Variants in XKR4 observed in about 807,000 individuals in gnomAD.
The protein encoded by XKR4 is XK-related protein 4.
A neutral mutation model predicts 53.9 loss-of-function variants in XKR4; 12 were observed. The observed-to-expected ratio is 0.22, with a 90% CI of 0.14 to 0.36. The LOEUF (loss-of-function observed/expected upper bound fraction) is 0.36, where lower values mean the gene tolerates loss of function less well. Among genes scored for constraint, XKR4 ranks in the 10% least tolerant of loss-of-function variants. The probability of loss-of-function intolerance (pLI) is 1.00; values close to 1 mark genes in which losing one functional copy is unlikely to be tolerated. For synonymous variants in XKR4, 354 were observed against 362.4 expected (o/e 0.98, Z 0.26); for missense variants, 799 against 859.5 (o/e 0.93, Z 0.88).
intron 2 of XKR4, among the ~76,000 whole-genome samples, chr8:55,372,984 A>G (rs924916852): frequency 1.3e-5 from 2 of 152,194 alleles, no homozygotes; most frequent in Admixed American, 6.5e-5. Context: ...ATAAAATCAC[A>G]TGGAGATTCA....
rs1554571090 is a variant in XKR4, at chr8:55,229,235, C to CCCGT, written c.806+125943_806+125944insGTCC. Among the ~76,000 whole-genome samples the CCCGT allele has an allele frequency of 5.0e-3, 757 of 152,308 alleles. 10 individuals carry two copies. The highest frequency in any genetic ancestry group is 0.017 in the African/African-American group (714 of 41,558). ...TGAAAGGGGCCGGCTGACAGCACTA[C>CCCGT]CCATCCGCCCTGTGTCGATTTCCAC... On this transcript the variant is annotated intron_variant, in intron 1 of 2. Transcript: ENST00000327381.
At chr8:55,496,711 A>G (rs181532682) in intron 2 of XKR4, among the ~76,000 whole-genome samples, 2 of 152,316 alleles carry the variant, frequency 1.3e-5, no homozygotes, top group East Asian at 3.9e-4. Context: ...GAATCTCTAT[A>G]TGTTATATAT....
chr8:55,239,814 G>A (rs994357657), intron 1 of XKR4, among the ~76,000 whole-genome samples: 2 of 152,056 alleles, frequency 1.3e-5, no homozygotes, highest in African/African-American at 2.4e-5. Flanking sequence ...TTCAAAAGTG[G>A]CCTCCTACAC....
At chr8:55,455,221 C>A in intron 2 of XKR4, 1 of 339,284 alleles carries the variant, frequency 2.9e-6, no homozygotes, top group South Asian at 2.7e-5. Context: ...CTGGACCGCA[C>A]ACCCGGGACA....
intron 2 of XKR4, among the ~76,000 whole-genome samples, chr8:55,505,111 T>A (rs1414187712): frequency 2.6e-5 from 4 of 152,124 alleles, no homozygotes; most frequent in Non-Finnish European, 4.4e-5. Flanking sequence ...TTTGTTCTAC[T>A]TTTTATAGTT....
chr8:55,221,443 T>C (rs1005883495), intron 1 of XKR4, among the ~76,000 whole-genome samples: 2 of 152,122 alleles, frequency 1.3e-5, no homozygotes, highest in Non-Finnish European at 2.9e-5. Flanking sequence ...AGCCCCTCCC[T>C]TGAGAGCAGG....
intron 1 of XKR4, among the ~76,000 whole-genome samples, chr8:55,307,079 A>C (rs1819313223): frequency 6.6e-6 from 1 of 152,144 alleles, no homozygotes; most frequent in African/African-American, 2.4e-5. Flanking sequence ...ACCTAGGACT[A>C]GGCAATGAGT....
intron 2 of XKR4, chr8:55,452,349 AG>A: frequency 3.2e-6 from 2 of 627,986 alleles, no homozygotes; most frequent in South Asian, 1.7e-5. Context: ...CTCCCCCACC[AG>A]GGGGTCTGTG....
intron 2 of XKR4, among the ~76,000 whole-genome samples, chr8:55,472,051 A>G (rs757989207): frequency 1.3e-5 from 2 of 152,150 alleles, no homozygotes; most frequent in Non-Finnish European, 2.9e-5. Flanking sequence ...TGGGTTGATG[A>G]ATAAAAGAGA....
intron 2 of XKR4, among the ~76,000 whole-genome samples, chr8:55,405,759 G>T (rs577713608): frequency 7.2e-5 from 11 of 152,340 alleles, no homozygotes; most frequent in South Asian, 4.1e-4. Flanking sequence ...TAGTCCAAAA[G>T]AGTATGACCT....
In XKR4 at chr8:55,410,373, T is replaced by C. The variant is rs541205255; in HGVS notation, c.1006+52496T>C. Among the ~76,000 whole-genome samples, 7 of 152,344 alleles carry C rather than the reference T, an allele frequency of 4.6e-5. 1 individual carries two copies. Among genetic ancestry groups the C allele is most frequent in the Non-Finnish European group, 5.9e-5 (4 of 68,030 alleles). ...TCTCTCCCTGGGCCATGAGCCCCTA[T>C]TGGGCAGTCAAGGGTATTTCCATAC... On this transcript the variant is annotated intron_variant, in intron 2 of 2. Coordinates refer to ENST00000327381, the MANE Select transcript of XKR4 (RefSeq NM_052898.2).
intron 2 of XKR4, among the ~76,000 whole-genome samples, chr8:55,410,054 C>T (rs1349045949): frequency 5.9e-5 from 9 of 151,906 alleles, no homozygotes; most frequent in African/African-American, 2.2e-4. Flanking sequence ...TTTCTGTTTG[C>T]CATGGCTAGT....
chr8:55,517,042 G>C (rs77388329), intron 2 of XKR4, among the ~76,000 whole-genome samples: 1 of 152,082 alleles, frequency 6.6e-6, no homozygotes. Flanking sequence ...GTCAAATACC[G>C]CATGTTCTCA....
chr8:55,228,837 G>A (rs945891453), intron 1 of XKR4, among the ~76,000 whole-genome samples: 4 of 81,828 alleles, frequency 4.9e-5, no homozygotes, highest in African/African-American at 1.5e-4. Flanking sequence ...GTATATGTGT[G>A]TATGTACACA....
In XKR4 at chr8:55,419,188, C is replaced by T. The variant is rs1804891513; in HGVS notation, c.1006+61311C>T. ...TCACCTGAGGTCAGGAGTTCAAGACCAGCCTGGCCAACATGGTGAAACCCC... is the reference window on the plus strand; with the variant it reads ...TCACCTGAGGTCAGGAGTTCAAGACTAGCCTGGCCAACATGGTGAAACCCC... On this transcript the variant is annotated intron_variant, in intron 2 of 2. Coordinates refer to ENST00000327381, the MANE Select transcript of XKR4 (RefSeq NM_052898.2). Among the ~76,000 whole-genome samples, 3 of 152,114 alleles carry T rather than the reference C, an allele frequency of 2.0e-5. No individual in the cohort carries two copies. In the South Asian group the frequency reaches 6.2e-4, roughly 31 times the overall value.
At chr8:55,361,830 A>G (rs926054449) in intron 2 of XKR4, among the ~76,000 whole-genome samples, 1 of 151,808 alleles carries the variant, frequency 6.6e-6, no homozygotes, top group African/African-American at 2.4e-5. Flanking sequence ...CCTGCTATTA[A>G]CCTCTCCAGA....
intron 2 of XKR4, among the ~76,000 whole-genome samples, chr8:55,467,074 G>T (rs1805786188): frequency 6.6e-6 from 1 of 152,108 alleles, no homozygotes. Context: ...AGCCAGGGCT[G>T]CAATCTCATC....
chr8:55,210,735 A>G (rs1352480104), intron 1 of XKR4, among the ~76,000 whole-genome samples: 1 of 152,168 alleles, frequency 6.6e-6, no homozygotes, highest in Non-Finnish European at 1.5e-5. Context: ...AAGAAAGACA[A>G]TAGCTCTTTG....
At chr8:55,520,765 TAAC>T (rs891053738) in intron 2 of XKR4, among the ~76,000 whole-genome samples, 11 of 152,322 alleles carry the variant, frequency 7.2e-5, no homozygotes, top group Admixed American at 2.0e-4. Context: ...AGTATCATCT[TAAC>T]AAGTTCCTGG....
Sources: allele counts gnomAD v4.1 joint callset (sites outside exome capture counted in the v4.1 genomes callset), GRCh38; gene constraint gnomAD v4.1.1; transcripts MANE v1.5; gene names NCBI Gene and HGNC (gene_info 2026-07-23, HGNC 2026-07-21).